Variants in LILRB2 observed in about 807,000 individuals in gnomAD.
LILRB2 encodes the protein leukocyte immunoglobulin-like receptor subfamily B member 2.
Under a neutral mutation model 72.7 loss-of-function variants are expected in LILRB2, and 47 were observed. That is an observed-to-expected ratio of 0.65 (90% CI 0.51 to 0.82). The LOEUF (loss-of-function observed/expected upper bound fraction) is 0.82, where lower values mean the gene tolerates loss of function less well. Among genes scored for constraint, LILRB2 ranks in the 40% least tolerant of loss-of-function variants. The pLI is 0.00. For synonymous variants in LILRB2, 279 were observed against 313.7 expected, an observed-to-expected ratio of 0.89 and a Z score of 1.17; for missense variants, 767 against 764.8, an observed-to-expected ratio of 1.00 and a Z score of -0.03.
At position 54,280,247 on chromosome 19, in the gene LILRB2, G is replaced by C. The variant is rs2080486586; in HGVS notation, c.70+17C>G. On this transcript the variant is annotated intron_variant, in intron 3 of 13. Transcript: ENST00000314446. ...CAGTGAGGAGGAGGGACCTGGGAGA[G>C]CTGGGGACAGACTCACCTGTCTGCA... The C allele has an allele frequency of 6.2e-7, 1 of 1,613,640 alleles. No homozygotes were observed. Among genetic ancestry groups the C allele is most frequent in the African/African-American group, 1.3e-5 (1 of 74,900 alleles).
rs1056956339 is a variant in LILRB2, at chr19:54,274,486, T to C, written c.*197A>G. On this transcript the variant is annotated 3_prime_UTR_variant, in exon 14 of 14. Transcript: ENST00000314446. Reference sequence around the variant, plus strand: ...ATTGATTATTGAGAAGTCTGTTGCTTTAATTAAAAAATGTAGGGATATTAG... The same window carrying C: ...ATTGATTATTGAGAAGTCTGTTGCTCTAATTAAAAAATGTAGGGATATTAG... 2.9e-6 allele frequency: 3 copies of C among 1,025,004 alleles called. No individual in the cohort carries two copies. Among genetic ancestry groups the C allele is most frequent in the Non-Finnish European group, 4.1e-6 (3 of 722,988 alleles). 63.5% of individuals were successfully genotyped at this position (1,025,004 alleles called of 1,614,324 possible). A position where few individuals can be genotyped will look rare whatever the true frequency, so the allele number is the denominator to read the frequency against.
chr19:54,278,050 C>A, intron 7 of LILRB2, 111 bp from the exon 8 acceptor site: 1 of 1,114,442 alleles, frequency 9.0e-7, no homozygotes, highest in South Asian at 1.6e-5. Context: ...CCTCCCTCCA[C>A]CCGCCTCTCC....
rs764658904 is a variant in LILRB2, at chr19:54,280,485, G to T, written c.12C>A (p.Ile4=). Residue 4 remains isoleucine, a synonymous_variant, in exon 2 of 14, where the codon ATC becomes ATA. Coordinates refer to ENST00000314446, the MANE Select transcript of LILRB2 (RefSeq NM_001080978.4). The part of the protein sequence containing the change: MTP[I]VTVLICLGLS... ...CACCGAGACAGATCAGGACTGTGAC[G>T]ATGGGGGTCATGGCGTCTCCTCCCA... 5 of 1,613,960 alleles carry T rather than the reference G, an allele frequency of 3.1e-6. No individual in the cohort carries two copies. In the South Asian group the frequency reaches 4.4e-5, roughly 14 times the overall value.
In LILRB2 at chr19:54,278,262, GA is replaced by G; in HGVS notation, c.1255del (p.Ser419GlnfsTer43). On this transcript the variant is annotated frameshift_variant, in exon 7 of 14. Coordinates refer to ENST00000314446, the MANE Select transcript of LILRB2 (RefSeq NM_001080978.4). LOFTEE classifies it high-confidence loss of function. ...GAGGACAGGGTCAAGGCCCCCACCT[GA>G]GACCACGAGCTCCAGGGGCTCACTG... ...HPSEPLELVV[S>X]GPSMGSSPPP... 6.2e-7 allele frequency: 1 copy of G among 1,614,170 alleles called. No individual in the cohort carries two copies. Among genetic ancestry groups the G allele is most frequent in the Non-Finnish European group, 8.5e-7 (1 of 1,180,010 alleles).
At position 54,280,535 on chromosome 19, in the gene LILRB2, G is replaced by C; in HGVS notation, c.-39C>G. 6.2e-7 allele frequency: 1 copy of C among 1,613,964 alleles called. No individual in the cohort carries two copies. Among genetic ancestry groups the C allele is most frequent in the Non-Finnish European group, 8.5e-7 (1 of 1,179,952 alleles). On this transcript the variant is annotated 5_prime_UTR_variant, in exon 2 of 14. Coordinates refer to ENST00000314446, the MANE Select transcript of LILRB2 (RefSeq NM_001080978.4). ...ACTGCCCTGCTCTGCGGATGGATGA[G>C]CCCTCGGTGCTGGCGGGACAGAGAC...
chr19:54,280,541 G>A lies in LILRB2; in HGVS notation c.-45C>T, dbSNP rs375200899. On this transcript the variant is annotated 5_prime_UTR_variant, in exon 2 of 14. The change creates a premature stop within an existing upstream ORF in the 5' untranslated region. Transcript: ENST00000314446. ...CTGCTCTGCGGATGGATGAGCCCTCGGTGCTGGCGGGACAGAGACACACAG... is the reference window on the plus strand; with the variant it reads ...CTGCTCTGCGGATGGATGAGCCCTCAGTGCTGGCGGGACAGAGACACACAG... 3.2e-4 allele frequency: 514 copies of A among 1,613,832 alleles called. 3 individuals carry two copies. In the African/African-American group the frequency reaches 5.1e-3, roughly 16 times the overall value.
chr19:54,274,626 GC>G lies in LILRB2; in HGVS notation c.*56del. On this transcript the variant is annotated 3_prime_UTR_variant, in exon 14 of 14. Coordinates refer to ENST00000314446, the MANE Select transcript of LILRB2 (RefSeq NM_001080978.4). ...GGTGTCCACTGGGGGCAGCTCCCGT[GC>G]CTTCAGCAGTCCTGAGTCTCCTTCT... The G allele has an allele frequency of 6.2e-7, 1 of 1,612,772 alleles. No individual in the cohort carries two copies. The highest frequency in any genetic ancestry group is 8.5e-7 in the Non-Finnish European group (1 of 1,179,048).
Position 54,279,569 on chromosome 19 carries a change from T to G in LILRB2, c.434A>C (p.Glu145Ala). Residue 145 changes from glutamate to alanine, a missense_variant, in exon 5 of 14, where the codon GAG becomes GCG. Around this residue, in one of 3 missense-constraint regions of LILRB2, gnomAD observed 599 missense variants for 568.2 expected, o/e 1.05. Transcript: ENST00000314446. ...TSGGRVTLQC[E>A]SQVAFGGFIL... is the part of the protein sequence containing the mutation. ...GAAGCCGCCAAATGCCACCTGTGAC[T>G]CACACTGGAGGGTCACCCTTCCTCC... 1 of 1,613,204 alleles carries G rather than the reference T, an allele frequency of 6.2e-7. No homozygotes were observed. Among genetic ancestry groups the G allele is most frequent in the Non-Finnish European group, 8.5e-7 (1 of 1,179,740 alleles).
In LILRB2 at chr19:54,281,046, AT is replaced by A; in HGVS notation, c.-135del. ...GGCAGACTCAGATCAGCAGAGAAGC[AT>A]CTCGCCTCTGGCTGTGCTGTCCAGG... is the stretch of plus-strand genomic sequence containing the variant. On this transcript the variant is annotated 5_prime_UTR_variant, in exon 1 of 14. An upstream start codon of the reference 5' UTR is lost. Transcript: ENST00000314446. 2.1e-6 allele frequency: 1 copy of A among 468,326 alleles called. No homozygotes were observed. Among genetic ancestry groups the A allele is most frequent in the Non-Finnish European group, 4.0e-6 (1 of 252,812 alleles). The allele number at this position is 468,326 out of a possible 1,614,324, so 29.0% of individuals were successfully genotyped here. A position where few individuals can be genotyped will look rare whatever the true frequency, so the allele number is the denominator to read the frequency against.
chr19:54,279,635 T>A lies in LILRB2; in HGVS notation c.368A>T (p.Lys123Ile). 1 of 1,605,448 alleles carries A rather than the reference T, an allele frequency of 6.2e-7. No individual in the cohort carries two copies. The highest frequency in any genetic ancestry group is 8.5e-7 in the Non-Finnish European group (1 of 1,173,600). ...LVLVMTGAYP[K>I]PTLSAQPSPV... is the part of the protein sequence containing the mutation. Reference sequence around the variant, plus strand: ...GCTGGGCTGGGCTGAGAGGGTGGGTTTTGGGTAGGCTCCTAGGAGAGAAGG... The same window carrying A: ...GCTGGGCTGGGCTGAGAGGGTGGGTATTGGGTAGGCTCCTAGGAGAGAAGG... The change falls in exon 5 of 14, where the codon AAA becomes ATA. Residue 123 changes from lysine (K) to isoleucine (I), a missense_variant. This residue lies in a region of LILRB2 where 599 missense variants were observed against 568.2 expected (regional missense o/e 1.05). Transcript: ENST00000314446.
intron 3 of LILRB2, 67 bp from the exon 4 acceptor site, chr19:54,280,142 G>C (rs1407082080): frequency 1.2e-6 from 2 of 1,608,842 alleles, no homozygotes; most frequent in African/African-American, 2.7e-5. Context: ...TCTCAGCCCA[G>C]GACCCTCCAG....
At chr19:54,277,527 C>G (rs4078807) in intron 9 of LILRB2, 23 bp downstream of exon 9, 1 of 1,559,298 alleles carries the variant, frequency 6.4e-7, no homozygotes. Flanking sequence ...CCGCCCACCT[C>G]CCACTCAGAG....
Position 54,278,297 on chromosome 19 carries a change from C to G in LILRB2, c.1221G>C (p.Leu407=). ...GCTCCAGGGGCTCACTGGGGTGAGA[C>G]AGCAGGTAGGGGTCGGAGTTGAGTG... The part of the protein sequence containing the change: ...YGSLNSDPYL[L]SHPSEPLELV... The change falls in exon 7 of 14, where the codon CTG becomes CTC. Residue 407 remains leucine, a synonymous_variant. Coordinates refer to ENST00000314446, the MANE Select transcript of LILRB2 (RefSeq NM_001080978.4). The G allele has an allele frequency of 1.9e-6, 3 of 1,614,210 alleles. No homozygotes were observed. The highest frequency in any genetic ancestry group is 2.5e-6 in the Non-Finnish European group (3 of 1,180,020).
chr19:54,275,276 T>C (rs55677309), intron 13 of LILRB2: 60,508 of 675,808 alleles, frequency 0.09, 4,283 homozygotes, highest in South Asian at 0.24. Context: ...TGCAGCCTCA[T>C]GGGCCTTCCC....
Position 54,280,669 on chromosome 19 carries a change from C to A in LILRB2, c.-48-125G>T, listed in dbSNP as rs1601131682. 2.0e-5 allele frequency: 27 copies of A among 1,338,940 alleles called. No individual in the cohort carries two copies. The East Asian group carries it at 6.5e-4, about 32-fold the overall frequency. The allele number at this position is 1,338,940 out of a possible 1,614,324, so 82.9% of individuals were successfully genotyped here. Reference sequence around the variant, plus strand: ...GCAGCCACACAAGAAGCGGAACTGCCCTCCCAGGAGCCTGACTCTCATTCT... The same window carrying A: ...GCAGCCACACAAGAAGCGGAACTGCACTCCCAGGAGCCTGACTCTCATTCT... On this transcript the variant is annotated intron_variant, in intron 1 of 13. Transcript: ENST00000314446.
chr19:54,274,971 C>G (rs2080154959), intron 13 of LILRB2, 142 bp from the exon 14 acceptor site: 1 of 1,609,912 alleles, frequency 6.2e-7, no homozygotes, highest in East Asian at 2.2e-5. Flanking sequence ...ATTCCCCGGA[C>G]AGTGGGGAGG....
intron 9 of LILRB2, 108 bp downstream of exon 9, chr19:54,277,442 G>T: frequency 6.7e-7 from 1 of 1,486,034 alleles, no homozygotes; most frequent in Non-Finnish European, 9.1e-7. Context: ...CCAGGCAGGG[G>T]AGGAGCCTGT....
At chr19:54,275,231 G>A in intron 13 of LILRB2, 2 of 961,482 alleles carry the variant, frequency 2.1e-6, no homozygotes, top group Non-Finnish European at 1.5e-6. Context: ...TGTGGTTCTG[G>A]CCTCTGCTCC....
At chr19:54,277,166 A>G (rs1221357581) in intron 9 of LILRB2, 1 of 1,502,224 alleles carries the variant, frequency 6.7e-7, no homozygotes, top group South Asian at 1.2e-5. Context: ...TGGGAGTCTG[A>G]CCTGCAGCCC....
Sources: gnomAD v4.1 joint callset for allele counts on GRCh38, gnomAD v4.1.1 for gene constraint, gnomAD v4.1.1 regional missense constraint, MANE v1.5 for transcripts, NCBI Gene and HGNC (gene_info 2026-07-23, HGNC 2026-07-21) for gene names.